SPATA13: variants seen among roughly 807,000 people sequenced by gnomAD.
SPATA13 encodes the protein spermatogenesis associated 13.
A neutral mutation model predicts 104.0 loss-of-function variants in SPATA13; 50 were observed. The observed-to-expected ratio is 0.48, with a 90% CI of 0.38 to 0.61. The LOEUF is 0.61. SPATA13 is among the 20% of genes least tolerant of loss of function. The probability of loss-of-function intolerance (pLI) is 0.00; values close to 1 mark genes in which losing one functional copy is unlikely to be tolerated. For synonymous variants in SPATA13, 606 were observed against 667.5 expected, an observed-to-expected ratio of 0.91 and a Z score of 1.42; for missense variants, 1,524 against 1,690.6, an observed-to-expected ratio of 0.90 and a Z score of 1.73.
At position 24,290,874 on chromosome 13, in the gene SPATA13, C is replaced by A. The variant is rs776601790; in HGVS notation, c.3070C>A (p.Gln1024Lys). The A allele has an allele frequency of 5.0e-6, 8 of 1,613,710 alleles. No individual in the cohort carries two copies. In the African/African-American group the frequency reaches 8.0e-5, roughly 16 times the overall value. The change falls in exon 9 of 13, where the codon CAG (glutamine) becomes AAG (lysine). Residue 1024 changes from glutamine (Q) to lysine (K), a missense_variant. Transcript: ENST00000382108. ...QLAELLKYTT[Q>K]EHGDYSNIKA... ...GGCCGAGCTGCTCAAGTATACCACA[C>A]AGGAACACGGGTGAGGGGCATGGGT...
At chr13:23,982,127 A>G (rs1421256307) in intron 1 of SPATA13, among the ~76,000 whole-genome samples, 2 of 152,238 alleles carry the variant, frequency 1.3e-5, no homozygotes, top group African/African-American at 4.8e-5. Context: ...GTTTAAAGCA[A>G]AATACACTAG....
At chr13:24,081,316 C>CTTATT (rs907920041) in intron 3 of SPATA13, among the ~76,000 whole-genome samples, 8 of 152,272 alleles carry the variant, frequency 5.3e-5, no homozygotes, top group South Asian at 2.1e-4. Flanking sequence ...AGGCCCTTCT[C>CTTATT]TTATTTTATT....
chr13:24,198,496 G>C (rs1010395846), intron 1 of SPATA13, among the ~76,000 whole-genome samples: 1 of 152,162 alleles, frequency 6.6e-6, no homozygotes, highest in African/African-American at 2.4e-5. Context: ...AAATCCTTCA[G>C]ACGCAGTTAA....
At chr13:24,132,614 G>GT (rs1881422235) in intron 3 of SPATA13, among the ~76,000 whole-genome samples, 1 of 152,194 alleles carries the variant, frequency 6.6e-6, no homozygotes, top group Non-Finnish European at 1.5e-5. Context: ...TAAAGAAAGG[G>GT]GTTAATTCAG....
chr13:24,143,369 C>G (rs951409387), intron 3 of SPATA13, among the ~76,000 whole-genome samples: 1 of 152,076 alleles, frequency 6.6e-6, no homozygotes, highest in Non-Finnish European at 1.5e-5. Context: ...AGTAAAAATC[C>G]TAAGTAGTAC....
chr13:24,225,212 G>A lies in SPATA13; in HGVS notation c.1653+630G>A, dbSNP rs531027621. 3.3e-5 allele frequency among the ~76,000 whole-genome samples: 5 copies of A among 152,362 alleles called. No homozygotes were observed. In the East Asian group the frequency reaches 7.7e-4, roughly 23 times the overall value. ...AAGGGCAAACCAGGAATGGAGCAGC[G>A]AGGGGTGTGTGAGTGAGTGAGCATG... On this transcript the variant is annotated intron_variant, in intron 2 of 12. Transcript: ENST00000382108.
At chr13:24,106,931 A>G (rs1880472860) in intron 3 of SPATA13, among the ~76,000 whole-genome samples, 1 of 152,104 alleles carries the variant, frequency 6.6e-6, no homozygotes, top group African/African-American at 2.4e-5. Flanking sequence ...CATGTAGTGA[A>G]GTCTGTGCAC....
intron 4 of SPATA13, among the ~76,000 whole-genome samples, chr13:24,275,877 T>C (rs1874948040): frequency 6.6e-6 from 1 of 152,186 alleles, no homozygotes; most frequent in South Asian, 2.1e-4. Context: ...AAGGCTGCAG[T>C]GAGCTGAGAT....
chr13:24,297,178 A>G (rs1205644102), intron 10 of SPATA13, among the ~76,000 whole-genome samples, 185 bp from the exon 11 acceptor site: 3 of 152,106 alleles, frequency 2.0e-5, no homozygotes, highest in Non-Finnish European at 4.4e-5. Flanking sequence ...AGCTAGGACT[A>G]CAGGTGTGTG....
At chr13:24,283,130 G>A (rs1875673479) in intron 4 of SPATA13, among the ~76,000 whole-genome samples, 2 of 152,208 alleles carry the variant, frequency 1.3e-5, no homozygotes, top group African/African-American at 2.4e-5. Flanking sequence ...CCATCGCACT[G>A]TTCTGAGTCG....
chr13:24,011,898 CCTT>C lies in SPATA13; in HGVS notation c.-146-5762_-146-5760del, dbSNP rs3077626. Among the ~76,000 whole-genome samples the C allele has an allele frequency of 0.23, 35,550 of 152,098 alleles. 5,225 individuals carry two copies. Among genetic ancestry groups the C allele is most frequent in the Non-Finnish European group, 0.32 (21,656 of 67,936 alleles). ...GATCCCACAGACCCAGAATGCTCAGCCTTCTTCTTTAAACTTGCAGCGGAGGCT... is the reference window on the plus strand; with the variant it reads ...GATCCCACAGACCCAGAATGCTCAGCCTTCTTTAAACTTGCAGCGGAGGCT... On this transcript the variant is annotated intron_variant, in intron 2 of 14. Transcript: ENST00000424834. The surrounding 1 kb of genome is among the most constrained non-coding windows in gnomAD (Gnocchi z 4.3).
intron 3 of SPATA13, among the ~76,000 whole-genome samples, chr13:24,040,216 C>T (rs1358942787): frequency 2.0e-5 from 3 of 152,190 alleles, no homozygotes; most frequent in Non-Finnish European, 4.4e-5. Context: ...AGTCAGGGTT[C>T]TGGCCTGGGG....
At chr13:24,115,685 T>A (rs1880810198) in intron 3 of SPATA13, among the ~76,000 whole-genome samples, 3 of 152,184 alleles carry the variant, frequency 2.0e-5, no homozygotes, top group South Asian at 2.1e-4. Flanking sequence ...CCACACAGTG[T>A]CAGAGGGTCG....
At chr13:24,120,191 C>G (rs370637722) in intron 3 of SPATA13, among the ~76,000 whole-genome samples, 1 of 151,468 alleles carries the variant, frequency 6.6e-6, no homozygotes, top group South Asian at 2.1e-4. Flanking sequence ...ATTCTGTTTC[C>G]GCCTCTGAAA....
At chr13:24,186,884 TTTA>T (rs1360769025) in intron 1 of SPATA13, among the ~76,000 whole-genome samples, 1 of 152,196 alleles carries the variant, frequency 6.6e-6, no homozygotes, top group African/African-American at 2.4e-5. Context: ...AATTGGTGAA[TTTA>T]TTAAGAAGTT....
chr13:24,123,917 C>T, intron 3 of SPATA13: 3 of 598,614 alleles, frequency 5.0e-6, no homozygotes, highest in Non-Finnish European at 8.9e-6. Flanking sequence ...TTCCCTAACT[C>T]ATTTCCTCTT....
chr13:24,287,057 A>G (rs1876011269), intron 7 of SPATA13, 107 bp downstream of exon 7: 2 of 850,722 alleles, frequency 2.4e-6, no homozygotes, highest in Non-Finnish European at 3.5e-6. Flanking sequence ...AGGCTCCCAC[A>G]TGTATGCTCA....
At chr13:24,152,763 G>T (rs998526521) in intron 3 of SPATA13, among the ~76,000 whole-genome samples, 1 of 152,186 alleles carries the variant, frequency 6.6e-6, no homozygotes, top group Admixed American at 6.5e-5. Context: ...TCTGAGCAAG[G>T]CGCCAGAGAC....
chr13:24,026,041 GA>G (rs1877197583), intron 3 of SPATA13, among the ~76,000 whole-genome samples: 1 of 152,078 alleles, frequency 6.6e-6, no homozygotes, highest in South Asian at 2.1e-4. Flanking sequence ...TGGACCTCGT[GA>G]TCCACCTGCC....
Sources: allele counts gnomAD v4.1 joint callset (sites outside exome capture counted in the v4.1 genomes callset), GRCh38; gene constraint gnomAD v4.1.1; non-coding constraint Gnocchi (gnomAD v3.1); transcripts MANE v1.5; gene names NCBI Gene and HGNC (gene_info 2026-07-23, HGNC 2026-07-21).